LRRFIP1: variants seen among roughly 807,000 people sequenced by gnomAD.
The protein encoded by LRRFIP1 is leucine-rich repeat flightless-interacting protein 1.
Under a neutral mutation model 104.4 loss-of-function variants are expected in LRRFIP1, and 62 were observed. The ratio of observed to expected loss-of-function variants is 0.59; its 90% CI spans 0.48 to 0.73. The LOEUF is 0.73. Among genes scored for constraint, LRRFIP1 ranks in the 30% least tolerant of loss-of-function variants. LRRFIP1 has a pLI of 0.00. For missense variants in LRRFIP1, 796 were observed against 824.5 expected, an observed-to-expected ratio of 0.97 and a Z score of 0.42; for synonymous variants, 300 against 299.0, an observed-to-expected ratio of 1.00 and a Z score of -0.03.
intron 1 of LRRFIP1, among the ~76,000 whole-genome samples, chr2:237,676,882 G>A (rs1024000934): frequency 2.0e-5 from 3 of 152,206 alleles, no homozygotes; most frequent in Non-Finnish European, 4.4e-5. Context: ...CCTGACCTTT[G>A]GTGTGGCTGA....
At chr2:237,673,723 T>G in intron 1 of LRRFIP1, among the ~76,000 whole-genome samples, 1 of 151,650 alleles carries the variant, frequency 6.6e-6, no homozygotes. Flanking sequence ...GAGGGTACCG[T>G]TTGGGGACAA....
In LRRFIP1 at chr2:237,723,592, A is replaced by G. The variant is rs765642455; in HGVS notation, c.384+6A>G. ...ATGGGGGTCCTTACGCCTGGGTGAG[A>G]TGGTCGGATATACTTTGCTGTGTGA... is the stretch of plus-strand genomic sequence containing the variant. On this transcript the variant is annotated splice_donor_region_variant and intron_variant, in intron 7 of 23. Coordinates refer to ENST00000308482, the MANE Select transcript of LRRFIP1 (RefSeq NM_001137550.2). The G allele has an allele frequency of 2.2e-5, 36 of 1,613,438 alleles. No homozygotes were observed. Among genetic ancestry groups the G allele is most frequent in the Middle Eastern group, 1.6e-4 (1 of 6,084 alleles).
At chr2:237,679,652 A>G (rs1436174132) in intron 1 of LRRFIP1, among the ~76,000 whole-genome samples, 5 of 152,178 alleles carry the variant, frequency 3.3e-5, no homozygotes, top group Non-Finnish European at 7.3e-5. Flanking sequence ...CTTGTTGCCC[A>G]GGCTAGAGTG....
At chr2:237,692,186 C>T (rs915296808) in intron 1 of LRRFIP1, 10 of 1,040,510 alleles carry the variant, frequency 9.6e-6, no homozygotes, top group Admixed American at 1.1e-4. Flanking sequence ...CGGAGGCGCC[C>T]GAGTCCCGCT....
chr2:237,729,903 A>G (rs2094925951), intron 8 of LRRFIP1: 1 of 789,854 alleles, frequency 1.3e-6, no homozygotes, highest in Non-Finnish European at 1.5e-6. Context: ...GTAGCATGCA[A>G]TCTTGTGTGT....
intron 1 of LRRFIP1, among the ~76,000 whole-genome samples, chr2:237,638,621 C>A (rs1481301703): frequency 6.6e-6 from 1 of 152,200 alleles, no homozygotes. Flanking sequence ...ACTGTGGTAG[C>A]CACTAGCCCT....
chr2:237,713,702 A>G (rs1389107445), intron 2 of LRRFIP1, among the ~76,000 whole-genome samples: 2 of 152,232 alleles, frequency 1.3e-5, no homozygotes, highest in African/African-American at 2.4e-5. Context: ...AATTAAAAGA[A>G]ACCTCTGAAG....
chr2:237,717,320 C>G lies in LRRFIP1; in HGVS notation c.202-442C>G, dbSNP rs112938441. Among the ~76,000 whole-genome samples the G allele has an allele frequency of 2.1e-3, 325 of 152,370 alleles. 5 individuals are homozygous for G. The highest frequency in any genetic ancestry group is 7.1e-3 in the African/African-American group (296 of 41,590). On this transcript the variant is annotated intron_variant, in intron 3 of 23. Transcript: ENST00000308482. This position sits in a 1 kb window ranked among gnomAD's most constrained non-coding sequence, Gnocchi z 4.2. ...GTCAGCACGCAGTTTCTCCCCTTCT[C>G]CTCTCAGTTTCCCTGAGGTCCCAAC...
intron 1 of LRRFIP1, among the ~76,000 whole-genome samples, chr2:237,666,467 T>G (rs895367142): frequency 3.9e-5 from 6 of 152,276 alleles, no homozygotes; most frequent in African/African-American, 1.4e-4. Flanking sequence ...GAGTCAGGGT[T>G]GGAATCCACT....
intron 15 of LRRFIP1, among the ~76,000 whole-genome samples, chr2:237,754,534 C>A (rs535530524): frequency 1.3e-5 from 2 of 151,924 alleles, no homozygotes; most frequent in Non-Finnish European, 2.9e-5. Context: ...TTCAGAGATT[C>A]TGAGAAAAAC....
chr2:237,688,441 CTTT>C (rs5839674), intron 1 of LRRFIP1, among the ~76,000 whole-genome samples: 2 of 132,510 alleles, frequency 1.5e-5, no homozygotes, highest in African/African-American at 2.8e-5. Context: ...GATGGACCCC[CTTT>C]TTTTTTTTTT....
At chr2:237,629,815 G>T (rs1053084244) in intron 1 of LRRFIP1, among the ~76,000 whole-genome samples, 17 of 152,158 alleles carry the variant, frequency 1.1e-4, no homozygotes, top group Non-Finnish European at 2.9e-5. Context: ...GAAGGCAAGG[G>T]AACACTCCTT....
intron 19 of LRRFIP1, chr2:237,762,763 A>G (rs1290008930): frequency 6.2e-7 from 1 of 1,614,244 alleles, no homozygotes; most frequent in South Asian, 1.1e-5. Flanking sequence ...AGGACCAGAA[A>G]TCCTCTGAAG....
rs935915048 is a variant in LRRFIP1, at chr2:237,708,800, A to G, written c.183+170A>G. ...GCCCAAGGTCAGGCCAGGAGTGCGC[A>G]TAGCACGGATACCAGGCGTGCCTGC... On this transcript the variant is annotated intron_variant, in intron 2 of 23. Coordinates refer to ENST00000308482, the MANE Select transcript of LRRFIP1 (RefSeq NM_001137550.2). 4 of 765,498 alleles carry G rather than the reference A, an allele frequency of 5.2e-6. No homozygotes were observed. In the African/African-American group the frequency reaches 6.9e-5, roughly 13 times the overall value. 47.4% of individuals were successfully genotyped at this position (765,498 alleles called of 1,614,324 possible). A position where few individuals can be genotyped will look rare whatever the true frequency, so the allele number is the denominator to read the frequency against.
At chr2:237,664,015 G>C (rs564943119) in intron 1 of LRRFIP1, among the ~76,000 whole-genome samples, 2 of 152,234 alleles carry the variant, frequency 1.3e-5, no homozygotes, top group South Asian at 4.2e-4. Context: ...GTCGCCCTCA[G>C]GGCACTGGGA....
intron 9 of LRRFIP1, among the ~76,000 whole-genome samples, chr2:237,734,720 A>T (rs192555016): frequency 4.7e-4 from 71 of 152,356 alleles, no homozygotes; most frequent in South Asian, 3.5e-3. Flanking sequence ...TGACATCACC[A>T]TTTGTGGCAG....
At chr2:237,690,593 C>T (rs1285316493) in intron 1 of LRRFIP1, among the ~76,000 whole-genome samples, 2 of 151,748 alleles carry the variant, frequency 1.3e-5, no homozygotes, top group African/African-American at 4.8e-5. Flanking sequence ...AAAAATGAGC[C>T]GGGCATGGTG....
chr2:237,640,124 T>A (rs549579979), intron 1 of LRRFIP1, among the ~76,000 whole-genome samples: 2 of 152,282 alleles, frequency 1.3e-5, no homozygotes, highest in East Asian at 3.9e-4. Context: ...CCACATTACA[T>A]TCTTGGCGTT....
chr2:237,752,464 C>T (rs180860363), intron 14 of LRRFIP1, among the ~76,000 whole-genome samples: 18 of 152,334 alleles, frequency 1.2e-4, no homozygotes, highest in African/African-American at 2.4e-4. Context: ...GCTGGTCCCA[C>T]GTGAAGCAGC....
Sources: gnomAD v4.1 joint callset for allele counts (sites outside exome capture counted in the v4.1 genomes callset) on GRCh38, gnomAD v4.1.1 for gene constraint, Gnocchi (gnomAD v3.1) non-coding constraint, MANE v1.5 for transcripts, NCBI Gene and HGNC (gene_info 2026-07-23, HGNC 2026-07-21) for gene names.